FGF14: variants seen among roughly 807,000 people sequenced by gnomAD.
FGF14 encodes fibroblast growth factor 14.
A neutral mutation model predicts 25.5 loss-of-function variants in FGF14; 5 were observed. The observed-to-expected ratio is 0.20, with a 90% confidence interval of 0.10 to 0.41. FGF14 has a LOEUF of 0.41. Ranked by LOEUF, FGF14 falls within the 10% of genes least tolerant of loss-of-function variation. FGF14 has a pLI of 1.00. For missense variants in FGF14, 222 were observed against 320.1 expected, an observed-to-expected ratio of 0.69 and a Z score of 2.34; for synonymous variants, 138 against 118.3, an observed-to-expected ratio of 1.17 and a Z score of -1.08.
intron 1 of FGF14, among the ~76,000 whole-genome samples, chr13:102,167,813 A>C (rs1043108278): frequency 4.0e-5 from 6 of 151,462 alleles, no homozygotes; most frequent in Non-Finnish European, 7.4e-5. Context: ...TTTTTTTAAG[A>C]AATATCGTTT....
intron 1 of FGF14, among the ~76,000 whole-genome samples, chr13:102,392,189 T>A (rs941696540): frequency 1.3e-5 from 2 of 152,242 alleles, no homozygotes; most frequent in African/African-American, 4.8e-5. Flanking sequence ...GCATTTTAAC[T>A]ACATTCATTC....
chr13:102,251,408 C>A (rs911151998), intron 1 of FGF14, among the ~76,000 whole-genome samples: 1 of 152,136 alleles, frequency 6.6e-6, no homozygotes, highest in African/African-American at 2.4e-5. Flanking sequence ...GTTGGTTCCC[C>A]AAGAACCTTT....
intron 1 of FGF14, among the ~76,000 whole-genome samples, chr13:102,117,908 G>C (rs1265975925): frequency 6.6e-6 from 1 of 152,182 alleles, no homozygotes; most frequent in East Asian, 1.9e-4. Flanking sequence ...AAAATGGGCA[G>C]AGAGGCTAGG....
At chr13:102,309,574 T>C (rs144111528) in intron 1 of FGF14, among the ~76,000 whole-genome samples, 10 of 152,242 alleles carry the variant, frequency 6.6e-5, no homozygotes, top group Admixed American at 2.6e-4. Context: ...AAAAGGACCA[T>C]ACAATTTGGG....
At chr13:102,220,254 A>C (rs2050547850) in intron 1 of FGF14, among the ~76,000 whole-genome samples, 1 of 152,208 alleles carries the variant, frequency 6.6e-6, no homozygotes, top group African/African-American at 2.4e-5. Flanking sequence ...TAATTCTCTT[A>C]ACAAAAATAT....
At chr13:102,402,037 T>C, upstream of FGF14, 1 of 134,834 alleles carries the variant, frequency 7.4e-6, no homozygotes, top group Non-Finnish European at 1.3e-5. Context: ...GTGTAGCCCC[T>C]AGGAGAGAAG....
chr13:102,318,089 G>A lies in FGF14; in HGVS notation c.208+83382C>T, dbSNP rs116439055. On this transcript the variant is annotated intron_variant, in intron 1 of 4. Transcript: ENST00000376131. The stretch of plus-strand genomic sequence containing the variant: ...CTGATAATGGTATCTGGCATTTTCA[G>A]TAAATGGAGGGAGTTGGAGGCCCCA... Among the ~76,000 whole-genome samples, 524 of 152,314 alleles carry A rather than the reference G, an allele frequency of 3.4e-3. 1 individual carries two copies. The highest frequency in any genetic ancestry group is 0.012 in the African/African-American group (492 of 41,562).
At chr13:101,953,966 CA>C (rs1358506956) in intron 1 of FGF14, among the ~76,000 whole-genome samples, 1 of 152,054 alleles carries the variant, frequency 6.6e-6, no homozygotes, top group African/African-American at 2.4e-5. Flanking sequence ...TATGTCTCAA[CA>C]AAAAAGATTA....
At chr13:102,354,401 A>C (rs1452334119) in intron 1 of FGF14, among the ~76,000 whole-genome samples, 1 of 152,202 alleles carries the variant, frequency 6.6e-6, no homozygotes, top group African/African-American at 2.4e-5. Flanking sequence ...ATTCAGTGAA[A>C]GGCTGATCAA....
At chr13:102,267,575 T>TTA (rs983244588) in intron 1 of FGF14, among the ~76,000 whole-genome samples, 3 of 152,166 alleles carry the variant, frequency 2.0e-5, no homozygotes, top group African/African-American at 7.2e-5. Context: ...ATATCTATGG[T>TTA]TATATATATG....
chr13:101,873,396 T>C (rs1308234584), intron 2 of FGF14, among the ~76,000 whole-genome samples: 1 of 152,146 alleles, frequency 6.6e-6, no homozygotes, highest in African/African-American at 2.4e-5. Flanking sequence ...ATGGTGTATG[T>C]CCTGTCTTGA....
chr13:102,062,095 C>G (rs1249008495), intron 1 of FGF14, among the ~76,000 whole-genome samples: 2 of 152,114 alleles, frequency 1.3e-5, no homozygotes, highest in South Asian at 4.1e-4. Flanking sequence ...TAACAGTTAA[C>G]AACAGCAGCA....
chr13:101,763,417 TTTTTTTCC>T (rs2038169279), intron 3 of FGF14, among the ~76,000 whole-genome samples: 1 of 152,184 alleles, frequency 6.6e-6, no homozygotes, highest in Non-Finnish European at 1.5e-5. Context: ...GACCTAGTTC[TTTTTTTCC>T]TAATAAGGAA....
chr13:102,392,918 T>C (rs1387452037), intron 1 of FGF14, among the ~76,000 whole-genome samples: 30 of 152,140 alleles, frequency 2.0e-4, no homozygotes, highest in Admixed American at 2.0e-3. Context: ...GTAGATATGA[T>C]CATGACACAG....
rs143407903 is a variant in FGF14, at chr13:101,722,920, G to A, written c.655C>T (p.Pro219Ser). The change falls in exon 5 of 5, where the codon CCG becomes TCG. Residue 219 changes from proline (P) to serine (S), a missense_variant. Transcript: ENST00000376143. ...TTACTTGGCGTCACCCCAGGCTTCG[G>A]GACCGTTTCCCCAACATCATGCAAA... ...PSLHDVGETV[P>S]KPGVTPSKST... 1 of 1,613,068 alleles carries A rather than the reference G, an allele frequency of 6.2e-7. No individual in the cohort carries two copies. Among genetic ancestry groups the A allele is most frequent in the Non-Finnish European group, 8.5e-7 (1 of 1,179,536 alleles).
chr13:102,041,726 G>A (rs895620968), intron 1 of FGF14, among the ~76,000 whole-genome samples: 1 of 152,086 alleles, frequency 6.6e-6, no homozygotes, highest in Non-Finnish European at 1.5e-5. Flanking sequence ...CTGGATGGGG[G>A]AAGGTCCTTA....
intron 3 of FGF14, among the ~76,000 whole-genome samples, chr13:101,772,425 G>A (rs2038835173): frequency 6.6e-6 from 1 of 152,050 alleles, no homozygotes; most frequent in Non-Finnish European, 1.5e-5. Flanking sequence ...ATAGTATCAG[G>A]ACAGACTTTC....
chr13:101,955,619 T>G (rs562032801), intron 1 of FGF14, among the ~76,000 whole-genome samples: 1 of 152,234 alleles, frequency 6.6e-6, no homozygotes, highest in East Asian at 1.9e-4. Context: ...CACCTTCACA[T>G]GCAAGTCTCC....
chr13:102,170,904 G>C (rs916791900), intron 1 of FGF14, among the ~76,000 whole-genome samples: 1 of 152,028 alleles, frequency 6.6e-6, no homozygotes. Flanking sequence ...GGTGCAAAAT[G>C]GTTCATGTCA....
Sources: gnomAD v4.1 joint callset for allele counts (sites outside exome capture counted in the v4.1 genomes callset) on GRCh38, gnomAD v4.1.1 for gene constraint, MANE v1.5 for transcripts, NCBI Gene and HGNC (gene_info 2026-07-23, HGNC 2026-07-21) for gene names.